The following POFUT3 variants were observed in gnomAD, a reference collection of about 807,000 sequenced individuals.
POFUT3 encodes protein O-fucosyltransferase 3, also known as GDP-fucose protein O-fucosyltransferase 3.
the POFUT3 span, among the ~76,000 whole-genome samples, chr8:33,408,260 G>T: frequency 0.3 from 45,595 of 151,014 alleles, 6,932 homozygotes; most frequent in South Asian, 0.44. Context: ...GGAATTCAAG[G>T]TTGCAGTGAG....
At chr8:33,446,421 C>T in the POFUT3 span, among the ~76,000 whole-genome samples, 1 of 149,476 alleles carries the variant, frequency 6.7e-6, no homozygotes, top group African/African-American at 2.5e-5. Flanking sequence ...CACACCACTG[C>T]ACTCCAGCCT....
At chr8:33,464,552 G>A in the POFUT3 span, among the ~76,000 whole-genome samples, 1 of 152,116 alleles carries the variant, frequency 6.6e-6, no homozygotes, top group Non-Finnish European at 1.5e-5. Flanking sequence ...GCTCATGCAG[G>A]TAATCCCAAC....
chr8:33,390,360 T>C, the POFUT3 span, among the ~76,000 whole-genome samples: 1 of 151,208 alleles, frequency 6.6e-6, no homozygotes, highest in East Asian at 1.9e-4. Context: ...GAAACAGGAG[T>C]CGTGTCTGGC....
chr8:33,416,715 G>C, the POFUT3 span, among the ~76,000 whole-genome samples: 1 of 151,428 alleles, frequency 6.6e-6, no homozygotes, highest in African/African-American at 2.4e-5. Context: ...GTGTGGTGCC[G>C]CATGCCTGTA....
the POFUT3 span, among the ~76,000 whole-genome samples, chr8:33,380,584 C>A: frequency 6.6e-6 from 1 of 152,008 alleles, no homozygotes; most frequent in Non-Finnish European, 1.5e-5. Context: ...TGCCTATAAT[C>A]CCAGCACTTT....
chr8:33,423,800 C>A, the POFUT3 span, among the ~76,000 whole-genome samples: 6 of 115,874 alleles, frequency 5.2e-5, no homozygotes, highest in African/African-American at 1.9e-4. Flanking sequence ...GGGTCTATTT[C>A]TCTTTAGGCA....
the POFUT3 span, among the ~76,000 whole-genome samples, chr8:33,316,752 A>C: frequency 1.3e-5 from 2 of 151,446 alleles, no homozygotes; most frequent in African/African-American, 4.9e-5. Flanking sequence ...AAAAAAAAAA[A>C]ACAAGGAAAG....
chr8:33,412,307 C>T, the POFUT3 span, among the ~76,000 whole-genome samples: 1 of 152,094 alleles, frequency 6.6e-6, no homozygotes, highest in Admixed American at 6.5e-5. Context: ...TAAGTCAAAG[C>T]AAAAGCAGAA....
chr8:33,434,059 C>T, the POFUT3 span, among the ~76,000 whole-genome samples: 4 of 151,404 alleles, frequency 2.6e-5, no homozygotes, highest in Non-Finnish European at 2.9e-5. Flanking sequence ...GTCAGAAGAT[C>T]GATACCAGCC....
the POFUT3 span, among the ~76,000 whole-genome samples, chr8:33,350,980 T>G: frequency 6.6e-6 from 1 of 152,218 alleles, no homozygotes; most frequent in Non-Finnish European, 1.5e-5. Flanking sequence ...TCTTTATTTT[T>G]ATTTTTATTT....
the POFUT3 span, among the ~76,000 whole-genome samples, chr8:33,413,050 G>A: frequency 0.024 from 3,634 of 152,256 alleles, 136 homozygotes; most frequent in African/African-American, 0.081. Flanking sequence ...ATACGAGACC[G>A]TGATAGTTGT....
At chr8:33,422,963 G>A in the POFUT3 span, among the ~76,000 whole-genome samples, 1 of 152,150 alleles carries the variant, frequency 6.6e-6, no homozygotes, top group Non-Finnish European at 1.5e-5. Flanking sequence ...CTACAGGCAT[G>A]CACCACCATG....
chr8:33,316,443 A>G, the POFUT3 span, among the ~76,000 whole-genome samples: 5 of 151,974 alleles, frequency 3.3e-5, no homozygotes, highest in Non-Finnish European at 7.4e-5. Flanking sequence ...AATTTTAGCC[A>G]GGCACGGTGG....
the POFUT3 span, chr8:33,389,087 C>T: frequency 1.1e-5 from 18 of 1,614,052 alleles, no homozygotes; most frequent in East Asian, 2.2e-5. Flanking sequence ...TGTCAGAAGT[C>T]GCTGGTTAGA....
chr8:33,423,386 A>G, the POFUT3 span, among the ~76,000 whole-genome samples: 1 of 151,918 alleles, frequency 6.6e-6, no homozygotes, highest in East Asian at 1.9e-4. Flanking sequence ...CTCCTTCCTC[A>G]GCCTCCTGAG....
the POFUT3 span, among the ~76,000 whole-genome samples, chr8:33,366,448 G>C: frequency 1.5e-4 from 22 of 151,658 alleles, no homozygotes; most frequent in Non-Finnish European, 2.5e-4. Context: ...AAAAAAAAAA[G>C]TATTTAACTT....
the POFUT3 span, among the ~76,000 whole-genome samples, chr8:33,351,352 T>C: frequency 6.6e-6 from 1 of 152,146 alleles, no homozygotes; most frequent in Non-Finnish European, 1.5e-5. Flanking sequence ...TGGTCCCCAG[T>C]GTTGGAGGTG....
the POFUT3 span, among the ~76,000 whole-genome samples, chr8:33,459,272 G>A: frequency 4.6e-5 from 7 of 152,118 alleles, no homozygotes; most frequent in East Asian, 7.8e-4. Context: ...CCCAGGAGGT[G>A]GAGGTTTCAG....
At chr8:33,399,905 C>T in the POFUT3 span, among the ~76,000 whole-genome samples, 4 of 151,870 alleles carry the variant, frequency 2.6e-5, no homozygotes, top group African/African-American at 4.8e-5. Flanking sequence ...CCGCCCATCT[C>T]GGCCTCCCAA....
Sources: gnomAD v4.1 joint callset for allele counts (sites outside exome capture counted in the v4.1 genomes callset) on GRCh38, gnomAD v4.1.1 for gene constraint, MANE v1.5 for transcripts, NCBI Gene and HGNC (gene_info 2026-07-23, HGNC 2026-07-21) for gene names.